The following CIP2A variants were observed in gnomAD, a reference collection of about 807,000 sequenced individuals.
The protein encoded by CIP2A is protein CIP2A.
Under a neutral mutation model 110.9 loss-of-function variants are expected in CIP2A, and 103 were observed. The observed-to-expected ratio is 0.93, with a 90% CI of 0.79 to 1.09. The LOEUF (loss-of-function observed/expected upper bound fraction) is 1.09. Ranked by LOEUF, CIP2A falls within the 50% of genes least tolerant of loss-of-function variation. CIP2A has a pLI of 0.00. For missense variants in CIP2A, 1,088 were observed against 1,038.4 expected (o/e 1.05, Z -0.66); for synonymous variants, 381 against 361.6 (o/e 1.05, Z -0.61).
Position 108,571,923 on chromosome 3 carries a change from T to A in CIP2A, c.895-2316A>T, listed in dbSNP as rs191559049. On this transcript the variant is annotated intron_variant, in intron 8 of 20. Coordinates refer to ENST00000295746, the MANE Select transcript of CIP2A (RefSeq NM_020890.3). Reference sequence around the variant, plus strand: ...TTTCATTTTAATCAACTGGTGGGTGTCAGATGGTATGATACTACCATTTAA... The same window carrying A: ...TTTCATTTTAATCAACTGGTGGGTGACAGATGGTATGATACTACCATTTAA... Among the ~76,000 whole-genome samples the A allele has an allele frequency of 2.4e-4, 36 of 152,230 alleles. No individual in the cohort carries two copies. The East Asian group carries it at 6.6e-3, about 28-fold the overall frequency.
intron 8 of CIP2A, 70 bp downstream of exon 8, chr3:108,576,201 G>C: frequency 1.2e-6 from 1 of 861,382 alleles, no homozygotes; most frequent in Non-Finnish European, 1.8e-6. Flanking sequence ...TCTGTATTTT[G>C]CAGTTTTTTA....
Position 108,569,394 on chromosome 3 carries a change from A to C in CIP2A, c.1108T>G (p.Phe370Val). The C allele has an allele frequency of 6.2e-7, 1 of 1,610,416 alleles. No individual in the cohort carries two copies. The highest frequency in any genetic ancestry group is 8.5e-7 in the Non-Finnish European group (1 of 1,177,336). ...TCTGTCAGTCATCCTATTACCTCAA[A>C]TATTTCCTTGAACAACTCCAATGCT... is the stretch of plus-strand genomic sequence containing the variant. The part of the protein sequence containing the change: ...VLALELFKEI[F>V]EDVIDAANCS... The change falls in exon 9 of 21, where the codon TTT becomes GTT. Residue 370 changes from phenylalanine to valine, a missense_variant. By Grantham distance (50) the Phe-to-Val change is conservative. Transcript: ENST00000295746.
At chr3:108,568,384 G>C in intron 9 of CIP2A, 70 bp from the exon 10 acceptor site, 2 of 1,260,044 alleles carry the variant, frequency 1.6e-6, no homozygotes, top group East Asian at 2.5e-5. Context: ...AGTCATCACT[G>C]AATTGTAACA....
rs752450044 is a variant in CIP2A, at chr3:108,585,093, T to G, written c.222A>C (p.Leu74Phe). 1 of 1,612,966 alleles carries G rather than the reference T, an allele frequency of 6.2e-7. No individual in the cohort carries two copies. Among genetic ancestry groups the G allele is most frequent in the South Asian group, 1.1e-5 (1 of 90,834 alleles). Reference protein sequence around the residue: ...EDPNISASLILSIIGLLSQLA... With the variant: ...EDPNISASLIFSIIGLLSQLA... ...GTTGAGACAGCAAACCGATAATACT[T>G]AAGATCAGTGAAGCACTTATGTTGG... The change falls in exon 2 of 21, where the codon TTA (leucine) becomes TTC (phenylalanine). Residue 74 changes from leucine to phenylalanine, a missense_variant. Coordinates refer to ENST00000295746, the MANE Select transcript of CIP2A (RefSeq NM_020890.3).
intron 16 of CIP2A, 142 bp downstream of exon 16, chr3:108,559,615 G>A: frequency 2.1e-6 from 1 of 465,900 alleles, no homozygotes; most frequent in Non-Finnish European, 3.7e-6. Context: ...AAAGAGGACA[G>A]AATTTCAGGA....
At position 108,552,378 on chromosome 3, in the gene CIP2A, A is replaced by G. The variant is rs1937616736; in HGVS notation, c.2408-5T>C. Reference sequence around the variant, plus strand: ...CTTTTGTTTTTTGATGCAAATCTTAAAAGAAAAAAAAGTCAAGTATTATAC... The same window carrying G: ...CTTTTGTTTTTTGATGCAAATCTTAGAAGAAAAAAAAGTCAAGTATTATAC... On this transcript the variant is annotated splice_region_variant and splice_polypyrimidine_tract_variant and intron_variant, in intron 19 of 20. Transcript: ENST00000295746. The G allele has an allele frequency of 6.7e-7, 1 of 1,501,332 alleles. No individual in the cohort carries two copies. The highest frequency in any genetic ancestry group is 9.0e-7 in the Non-Finnish European group (1 of 1,113,514). The allele number at this position is 1,501,332 out of a possible 1,614,324, so 93.0% of individuals were successfully genotyped here.
chr3:108,557,234 T>C lies in CIP2A; in HGVS notation c.2194A>G (p.Met732Val), dbSNP rs753265259. The C allele has an allele frequency of 1.9e-5, 31 of 1,593,356 alleles. No homozygotes were observed. In the Middle Eastern group the frequency reaches 5.0e-4, roughly 26 times the overall value. The change falls in exon 17 of 21, where the codon ATG (methionine) becomes GTG (valine). Residue 732 changes from methionine (M) to valine (V), a missense_variant. By Grantham distance (21) the Met-to-Val change is conservative. Transcript: ENST00000295746. ...TTTATTTACCTCTGAAGAAGTTCCA[T>C]GTAGGATTTTGTCAGTATTTCATGT... The part of the protein sequence containing the change: ...EEHEILTKSY[M>V]ELLQRNESTE...
chr3:108,576,772 A>C (rs1254265391), intron 7 of CIP2A, among the ~76,000 whole-genome samples: 2 of 152,310 alleles, frequency 1.3e-5, no homozygotes, highest in Non-Finnish European at 2.9e-5. Context: ...TTGTCTCTGC[A>C]AATAAAGAAG....
intron 1 of CIP2A, among the ~76,000 whole-genome samples, chr3:108,588,326 C>CA (rs1410561023): frequency 1.4e-5 from 2 of 146,486 alleles, no homozygotes; most frequent in East Asian, 3.8e-4. Context: ...AGGAGATGGG[C>CA]ACTTGAAGTA....
chr3:108,552,739 T>C (rs1254590422), intron 19 of CIP2A, among the ~76,000 whole-genome samples: 1 of 152,204 alleles, frequency 6.6e-6, no homozygotes, highest in Non-Finnish European at 1.5e-5. Context: ...AGTTACCTAA[T>C]ACTGCCACCT....
intron 2 of CIP2A, among the ~76,000 whole-genome samples, chr3:108,584,141 A>T (rs1167651932): frequency 2.6e-5 from 4 of 152,218 alleles, no homozygotes; most frequent in Admixed American, 2.6e-4. Context: ...ATTACATAGA[A>T]TGTTCACTGC....
chr3:108,566,581 T>C lies in CIP2A; in HGVS notation c.1331A>G (p.Lys444Arg). 1 of 1,606,158 alleles carries C rather than the reference T, an allele frequency of 6.2e-7. No homozygotes were observed. The highest frequency in any genetic ancestry group is 1.1e-5 in the South Asian group (1 of 89,674). The stretch of plus-strand genomic sequence containing the variant: ...TTGTTGTTCTATAAGAGTGGTACAC[T>C]TGACAGTTGTCAAGATTTTTGCAAT... ...MHIAKILTTV[K>R]CTTLIEQQFT... The change falls in exon 11 of 21, where the codon AAG becomes AGG. Residue 444 changes from lysine to arginine, a missense_variant. Lys to Arg is a conservative substitution (Grantham distance 26). Coordinates refer to ENST00000295746, the MANE Select transcript of CIP2A (RefSeq NM_020890.3).
intron 3 of CIP2A, among the ~76,000 whole-genome samples, 169 bp from the exon 4 acceptor site, chr3:108,582,371 A>G (rs573021727): frequency 6.6e-6 from 1 of 152,312 alleles, no homozygotes; most frequent in Non-Finnish European, 1.5e-5. Flanking sequence ...CTCTCAATTC[A>G]CACATTTCTA....
At chr3:108,555,975 C>A (rs1329101046) in intron 17 of CIP2A, among the ~76,000 whole-genome samples, 1 of 152,122 alleles carries the variant, frequency 6.6e-6, no homozygotes, top group Non-Finnish European at 1.5e-5. Flanking sequence ...TCTATCACTG[C>A]AAACCTTGGT....
At chr3:108,577,921 T>C (rs1218631101) in intron 7 of CIP2A, among the ~76,000 whole-genome samples, 1 of 151,874 alleles carries the variant, frequency 6.6e-6, no homozygotes, top group Non-Finnish European at 1.5e-5. Flanking sequence ...TAAATAAATA[T>C]GAAAGATCCA....
At chr3:108,572,792 T>C (rs969091117) in intron 8 of CIP2A, among the ~76,000 whole-genome samples, 2 of 152,094 alleles carry the variant, frequency 1.3e-5, no homozygotes, top group African/African-American at 4.8e-5. Flanking sequence ...CCAATCTCTA[T>C]ATCTTTTTAA....
In CIP2A at chr3:108,569,592, G is replaced by T. The variant is rs141734147; in HGVS notation, c.910C>A (p.Leu304Ile). ...DSSSKVLELL[L>I]AFCSVTQLRH... ...AGCTGAGTCACTGAACAGAAGGCAAGAAGTAATTCTAAAACCTGTGCAATA... is the reference window on the plus strand; with the variant it reads ...AGCTGAGTCACTGAACAGAAGGCAATAAGTAATTCTAAAACCTGTGCAATA... Residue 304 changes from leucine (L) to isoleucine (I), a missense_variant, in exon 9 of 21, where the codon CTT becomes ATT. Transcript: ENST00000295746. The T allele has an allele frequency of 9.9e-6, 16 of 1,611,818 alleles. No individual in the cohort carries two copies. In the African/African-American group the frequency reaches 2.1e-4, roughly 22 times the overall value.
At position 108,584,590 on chromosome 3, in the gene CIP2A, T is replaced by C. The variant is rs1026336; in HGVS notation, c.250+475A>G. On this transcript the variant is annotated intron_variant, in intron 2 of 20. Coordinates refer to ENST00000295746, the MANE Select transcript of CIP2A (RefSeq NM_020890.3). ...ACACTTCGAATGCTTAATAGCTCCA[T>C]GTGGCTAGTGGCTGCTACATTGGAT... Among the ~76,000 whole-genome samples the C allele has an allele frequency of 2.5e-3, 379 of 152,324 alleles. 4 individuals are homozygous for C. Among genetic ancestry groups the C allele is most frequent in the African/African-American group, 8.8e-3 (367 of 41,572 alleles).
rs1328313873 is a variant in CIP2A, at chr3:108,557,326, T to A, written c.2102A>T (p.Glu701Val). ...VLLKAQQVES[E>V]RAQSDIEHLF... The stretch of plus-strand genomic sequence containing the variant: ...ATGCTCAATATCACTCTGCGCTCTT[T>A]CTGATTCAACTTGCTGCGCCTTCAG... The change falls in exon 17 of 21, where the codon GAA becomes GTA. Residue 701 changes from glutamate (E) to valine (V), a missense_variant. By Grantham distance (121) the Glu-to-Val change is moderately radical (BLOSUM62 -2). Transcript: ENST00000295746. 1.8e-5 allele frequency: 29 copies of A among 1,612,928 alleles called. No individual in the cohort carries two copies. Among genetic ancestry groups the A allele is most frequent in the Non-Finnish European group, 2.5e-5 (29 of 1,179,334 alleles).
Sources: gnomAD v4.1 joint callset for allele counts (sites outside exome capture counted in the v4.1 genomes callset) on GRCh38, gnomAD v4.1.1 for gene constraint, MANE v1.5 for transcripts, NCBI Gene and HGNC (gene_info 2026-07-23, HGNC 2026-07-21) for gene names.